The following ARSB variants were observed in gnomAD, a reference collection of about 807,000 sequenced individuals.
The protein encoded by ARSB is arylsulfatase B.
ARSB carries 41 observed loss-of-function variants against 50.9 expected under a neutral mutation model. The observed-to-expected ratio is 0.81, with a 90% CI of 0.63 to 1.04. The LOEUF (loss-of-function observed/expected upper bound fraction) is 1.04. Among genes scored for constraint, ARSB ranks in the 50% least tolerant of loss-of-function variants. ARSB has a pLI of 0.00. For missense variants in ARSB, 672 were observed against 693.3 expected (o/e 0.97, Z 0.35); for synonymous variants, 269 against 284.8 (o/e 0.94, Z 0.56).
At chr5:78,883,018 A>C (rs1747836264) in intron 5 of ARSB, 1 of 152,068 alleles carries the variant, frequency 6.6e-6, no homozygotes, top group African/African-American at 2.4e-5. Context: ...TCCTGACCTC[A>C]GGTGGTCCAC....
chr5:78,927,309 T>C (rs181763428), intron 4 of ARSB, among the ~76,000 whole-genome samples: 219 of 152,346 alleles, frequency 1.4e-3, no homozygotes, highest in Non-Finnish European at 2.2e-3. Flanking sequence ...ATTTTACCCT[T>C]ACAGCACATC....
At chr5:78,841,024 A>T (rs1199444367) in intron 5 of ARSB, among the ~76,000 whole-genome samples, 3 of 152,084 alleles carry the variant, frequency 2.0e-5, no homozygotes, top group Non-Finnish European at 4.4e-5. Context: ...GCCAGGTACA[A>T]TGGCTCACGC....
chr5:78,969,209 T>C lies in ARSB; in HGVS notation c.313-17A>G. 2 of 1,613,312 alleles carry C rather than the reference T, an allele frequency of 1.2e-6. No homozygotes were observed. Among genetic ancestry groups the C allele is most frequent in the Non-Finnish European group, 1.7e-6 (2 of 1,179,372 alleles). ...TGTACGGATCTTACAGAGATAAACA[T>C]AAAATTATAGATTAATGACATTGAA... On this transcript the variant is annotated splice_polypyrimidine_tract_variant and intron_variant, in intron 1 of 7. Transcript: ENST00000264914.
At chr5:78,870,931 C>T (rs920318269) in intron 5 of ARSB, among the ~76,000 whole-genome samples, 2 of 152,084 alleles carry the variant, frequency 1.3e-5, no homozygotes. Context: ...GTCTCAGCCC[C>T]AAATCTCCTT....
chr5:78,865,806 G>A (rs1746690151), intron 5 of ARSB, among the ~76,000 whole-genome samples: 1 of 152,094 alleles, frequency 6.6e-6, no homozygotes, highest in Non-Finnish European at 1.5e-5. Context: ...CAAATCTCTA[G>A]GGCAGGGGCA....
At chr5:78,968,222 A>C (rs1320660466) in intron 2 of ARSB, among the ~76,000 whole-genome samples, 3 of 146,714 alleles carry the variant, frequency 2.0e-5, no homozygotes, top group Non-Finnish European at 3.0e-5. Context: ...GTCTTCCCCC[A>C]CCCCCTTCAA....
At chr5:78,793,031 G>A (rs1743033331) in intron 6 of ARSB, among the ~76,000 whole-genome samples, 1 of 152,190 alleles carries the variant, frequency 6.6e-6, no homozygotes, top group South Asian at 2.1e-4. Flanking sequence ...TTCTGGTTCT[G>A]CCTTGGGGTC....
In ARSB at chr5:78,780,115, T is replaced by C; in HGVS notation, c.*282A>G. ...CAGCCTCCAGGATTCAGTGAGAACTTCCTATTTCAAGTTAAGTTCCCAGCT... is the reference window on the plus strand; with the variant it reads ...CAGCCTCCAGGATTCAGTGAGAACTCCCTATTTCAAGTTAAGTTCCCAGCT... On this transcript the variant is annotated 3_prime_UTR_variant, in exon 8 of 8. Coordinates refer to ENST00000264914, the MANE Select transcript of ARSB (RefSeq NM_000046.5). The C allele has an allele frequency of 2.3e-6, 1 of 441,770 alleles. No individual in the cohort carries two copies. Among genetic ancestry groups the C allele is most frequent in the Non-Finnish European group, 4.2e-6 (1 of 238,558 alleles). The allele number at this position is 441,770 out of a possible 1,614,324, so 27.4% of individuals were successfully genotyped here.
chr5:78,930,486 G>A (rs758331527), intron 4 of ARSB, among the ~76,000 whole-genome samples: 3 of 152,182 alleles, frequency 2.0e-5, no homozygotes, highest in Non-Finnish European at 4.4e-5. Context: ...CACGGTAGGA[G>A]AGGCTGATTA....
At chr5:78,823,679 A>G (rs957210888) in intron 6 of ARSB, among the ~76,000 whole-genome samples, 3 of 152,164 alleles carry the variant, frequency 2.0e-5, no homozygotes, top group Non-Finnish European at 4.4e-5. Flanking sequence ...GGAGAAAACC[A>G]GGAACAAAAG....
chr5:78,939,648 G>A lies in ARSB; in HGVS notation c.898+15647C>T, dbSNP rs1313370391. Among the ~76,000 whole-genome samples, 7 of 152,028 alleles carry A rather than the reference G, an allele frequency of 4.6e-5. No individual in the cohort carries two copies. The East Asian group carries it at 7.7e-4, about 17-fold the overall frequency. ...TATGGCTGCAAGTATTCCATGGTGTGTATGTGCCACATTTTCTTAATCCAG... is the reference window on the plus strand; with the variant it reads ...TATGGCTGCAAGTATTCCATGGTGTATATGTGCCACATTTTCTTAATCCAG... On this transcript the variant is annotated intron_variant, in intron 4 of 7. Coordinates refer to ENST00000264914, the MANE Select transcript of ARSB (RefSeq NM_000046.5).
chr5:78,949,757 A>C (rs191405523), intron 4 of ARSB, among the ~76,000 whole-genome samples: 127 of 152,248 alleles, frequency 8.3e-4, no homozygotes, highest in African/African-American at 2.7e-3. Flanking sequence ...TAAAAATACA[A>C]AAATTAGCCA....
At chr5:78,893,567 G>A (rs187415849) in intron 4 of ARSB, among the ~76,000 whole-genome samples, 221 of 152,278 alleles carry the variant, frequency 1.5e-3, no homozygotes, top group Non-Finnish European at 2.6e-3. Flanking sequence ...GATTGAAAAC[G>A]TTTATTCTCT....
At chr5:78,869,824 T>G (rs1423714298) in intron 5 of ARSB, among the ~76,000 whole-genome samples, 4 of 144,104 alleles carry the variant, frequency 2.8e-5, no homozygotes, top group Admixed American at 7.0e-5. Flanking sequence ...AGAGCAGAAC[T>G]GAAGGAAATA....
intron 4 of ARSB, among the ~76,000 whole-genome samples, chr5:78,904,900 G>C (rs1748976848): frequency 6.6e-6 from 1 of 151,844 alleles, no homozygotes; most frequent in Admixed American, 6.6e-5. Context: ...ATGTTGGCCA[G>C]GCTGGTCTTG....
chr5:78,861,243 T>G (rs1245340263), intron 5 of ARSB, among the ~76,000 whole-genome samples: 3 of 151,994 alleles, frequency 2.0e-5, no homozygotes, highest in South Asian at 2.1e-4. Flanking sequence ...AAAGAGGGAA[T>G]CCTCCCTAAC....
intron 6 of ARSB, chr5:78,816,115 C>G (rs542854070): frequency 6.2e-7 from 1 of 1,614,156 alleles, no homozygotes; most frequent in South Asian, 1.1e-5. Context: ...TCAGGCCAGT[C>G]TGTAAAACAC....
intron 5 of ARSB, among the ~76,000 whole-genome samples, chr5:78,858,842 G>A (rs922037044): frequency 6.6e-6 from 1 of 152,160 alleles, no homozygotes; most frequent in Non-Finnish European, 1.5e-5. Context: ...AATGTTCCAG[G>A]CATGGTGCTA....
intron 6 of ARSB, among the ~76,000 whole-genome samples, chr5:78,832,545 G>C (rs958386039): frequency 6.6e-6 from 1 of 152,148 alleles, no homozygotes; most frequent in African/African-American, 2.4e-5. Context: ...AAATGGCTCT[G>C]AATGTCGCTC....
Sources: gnomAD v4.1 joint callset for allele counts (sites outside exome capture counted in the v4.1 genomes callset) on GRCh38, gnomAD v4.1.1 for gene constraint, MANE v1.5 for transcripts, NCBI Gene and HGNC (gene_info 2026-07-23, HGNC 2026-07-21) for gene names.